The following RAB38 variants were observed in gnomAD, a reference collection of about 807,000 sequenced individuals.
The protein encoded by RAB38 is RAB38, member RAS oncogene family.
A neutral mutation model predicts 18.4 loss-of-function variants in RAB38; 15 were observed. That is an observed-to-expected ratio of 0.82 (90% CI 0.55 to 1.26). The LOEUF is 1.26. RAB38 is among the 50% of genes most tolerant of loss of function. The pLI is 0.00. For missense variants in RAB38, 294 were observed against 267.4 expected, an observed-to-expected ratio of 1.10 and a Z score of -0.69; for synonymous variants, 101 against 104.4, an observed-to-expected ratio of 0.97 and a Z score of 0.20.
At chr11:87,881,013 T>C in the RAB38 span, among the ~76,000 whole-genome samples, 1,482 of 151,994 alleles carry the variant, frequency 9.8e-3, 21 homozygotes, top group African/African-American at 0.034. Flanking sequence ...AGGATCTTGC[T>C]CTGTCACCCA....
the RAB38 span, among the ~76,000 whole-genome samples, chr11:87,969,383 T>C: frequency 2.0e-5 from 3 of 152,098 alleles, no homozygotes; most frequent in Non-Finnish European, 4.4e-5. Context: ...GTTAACAACA[T>C]AAATTATCAC....
At chr11:88,146,415 G>A (rs533333399) in intron 2 of RAB38, among the ~76,000 whole-genome samples, 2 of 152,252 alleles carry the variant, frequency 1.3e-5, no homozygotes, top group South Asian at 4.1e-4. Flanking sequence ...ACATTATGTC[G>A]TCACTCAAAA....
At chr11:87,976,140 G>C in the RAB38 span, among the ~76,000 whole-genome samples, 1 of 144,632 alleles carries the variant, frequency 6.9e-6, no homozygotes, top group Non-Finnish European at 1.5e-5. Flanking sequence ...GTGTGTGTGT[G>C]TATATATACA....
chr11:88,084,889 G>A, the RAB38 span, among the ~76,000 whole-genome samples: 4 of 151,816 alleles, frequency 2.6e-5, no homozygotes, highest in Non-Finnish European at 5.9e-5. Flanking sequence ...AGATGAATAA[G>A]CAACTCTTCA....
the RAB38 span, among the ~76,000 whole-genome samples, chr11:87,964,426 C>G: frequency 6.6e-6 from 1 of 152,080 alleles, no homozygotes; most frequent in Non-Finnish European, 1.5e-5. Context: ...GAGGCCTAGG[C>G]TTGAAACTGG....
At chr11:87,850,965 C>A in the RAB38 span, among the ~76,000 whole-genome samples, 1 of 152,180 alleles carries the variant, frequency 6.6e-6, no homozygotes, top group African/African-American at 2.4e-5. Context: ...AACATACACA[C>A]AAAGACTGAT....
Position 88,136,360 on chromosome 11 carries a change from G to A in RAB38, c.483+13315C>T, listed in dbSNP as rs771339990. Among the ~76,000 whole-genome samples the A allele has an allele frequency of 5.1e-4, 78 of 152,238 alleles. 1 individual carries two copies. The Middle Eastern group carries it at 0.02, about 40-fold the overall frequency. The stretch of plus-strand genomic sequence containing the variant: ...GACTGTCATCCACAAATCTAAGGGC[G>A]CTTCAAATGTGGCCAACAAGACACA... On this transcript the variant is annotated intron_variant, in intron 2 of 2. Coordinates refer to ENST00000243662, the MANE Select transcript of RAB38 (RefSeq NM_022337.3).
At chr11:88,096,928 CTGTTT>C in the RAB38 span, among the ~76,000 whole-genome samples, 111 of 151,500 alleles carry the variant, frequency 7.3e-4, no homozygotes, top group Non-Finnish European at 4.4e-4. Flanking sequence ...TTTTTCATAT[CTGTTT>C]TATTTTGTAA....
rs186633152 is a variant in RAB38 at position 88,144,320 on chromosome 11, A to G, written c.483+5355T>C. ...CTTCATCTAAATTATTTGGAGATGG[A>G]TGCCTACAACCTACAATTGGTGGAA... On this transcript the variant is annotated intron_variant, in intron 2 of 2. Transcript: ENST00000243662. Among the ~76,000 whole-genome samples, 29 of 152,336 alleles carry G rather than the reference A, an allele frequency of 1.9e-4. 1 individual carries two copies. In the East Asian group the frequency reaches 5.6e-3, roughly 29 times the overall value.
At chr11:88,036,085 G>T in the RAB38 span, among the ~76,000 whole-genome samples, 4 of 152,014 alleles carry the variant, frequency 2.6e-5, no homozygotes, top group Non-Finnish European at 5.9e-5. Flanking sequence ...ATAGCTAGAA[G>T]CAAGATTATG....
the RAB38 span, among the ~76,000 whole-genome samples, chr11:88,031,482 A>G: frequency 1.3e-5 from 2 of 151,996 alleles, no homozygotes; most frequent in African/African-American, 4.8e-5. Flanking sequence ...AGAAAACCCC[A>G]TTGTCTCAGC....
At chr11:87,965,160 A>G in the RAB38 span, among the ~76,000 whole-genome samples, 1 of 152,182 alleles carries the variant, frequency 6.6e-6, no homozygotes, top group Non-Finnish European at 1.5e-5. Flanking sequence ...AAGGAGGCAC[A>G]ATCACCCTCA....
chr11:87,944,561 C>T, the RAB38 span, among the ~76,000 whole-genome samples: 2 of 152,126 alleles, frequency 1.3e-5, no homozygotes, highest in Non-Finnish European at 2.9e-5. Context: ...TGCTTCTGCT[C>T]CCATCTCTAG....
the RAB38 span, among the ~76,000 whole-genome samples, chr11:87,836,496 C>T: frequency 6.6e-6 from 1 of 151,980 alleles, no homozygotes; most frequent in African/African-American, 2.4e-5. Context: ...TTTCTCATGC[C>T]CTTTGCTACT....
At chr11:88,065,171 G>A in the RAB38 span, among the ~76,000 whole-genome samples, 2 of 152,168 alleles carry the variant, frequency 1.3e-5, no homozygotes, top group Non-Finnish European at 2.9e-5. Flanking sequence ...AGCTCCATGT[G>A]TGACACTCAG....
intron 1 of RAB38, among the ~76,000 whole-genome samples, chr11:88,159,869 A>T (rs1943169692): frequency 6.6e-6 from 1 of 152,106 alleles, no homozygotes; most frequent in South Asian, 2.1e-4. Flanking sequence ...CTGAAGCTAG[A>T]AGAAACCTAG....
chr11:87,816,671 T>A, the RAB38 span: 6 of 151,970 alleles, frequency 3.9e-5, no homozygotes, highest in Admixed American at 3.9e-4. Context: ...AATAATTCGG[T>A]CTAGATATAT....
chr11:88,068,541 T>C, the RAB38 span, among the ~76,000 whole-genome samples: 1 of 152,210 alleles, frequency 6.6e-6, no homozygotes, highest in Non-Finnish European at 1.5e-5. Context: ...CATTTCTTTT[T>C]ATTCAACTAA....
intron 1 of RAB38, among the ~76,000 whole-genome samples, chr11:88,158,228 A>G (rs1943148716): frequency 6.6e-6 from 1 of 152,110 alleles, no homozygotes; most frequent in South Asian, 2.1e-4. Context: ...AGATTGAATC[A>G]GAAAGGAATT....
Sources: allele counts gnomAD v4.1 joint callset (sites outside exome capture counted in the v4.1 genomes callset), GRCh38; gene constraint gnomAD v4.1.1; transcripts MANE v1.5; gene names NCBI Gene and HGNC (gene_info 2026-07-23, HGNC 2026-07-21).